Variants in TTLL12 observed in about 807,000 individuals in gnomAD.
The protein encoded by TTLL12 is tubulin tyrosine ligase like 12, also known as tubulin--tyrosine ligase-like protein 12.
A neutral mutation model predicts 79.6 loss-of-function variants in TTLL12; 77 were observed. The observed-to-expected ratio is 0.97, with a 90% CI of 0.81 to 1.17. TTLL12 has a LOEUF of 1.17. Among genes scored for constraint, TTLL12 ranks in the 50% most tolerant of loss-of-function variants. The pLI, the probability that TTLL12 is intolerant of heterozygous loss-of-function variation, is 0.00. For synonymous variants in TTLL12, 437 were observed against 376.1 expected, an observed-to-expected ratio of 1.16 and a Z score of -1.87; for missense variants, 969 against 895.9, an observed-to-expected ratio of 1.08 and a Z score of -1.04.
intron 2 of TTLL12, among the ~76,000 whole-genome samples, chr22:43,181,552 C>G (rs1932057127): frequency 6.6e-6 from 1 of 152,212 alleles, no homozygotes; most frequent in Non-Finnish European, 1.5e-5. Context: ...AGCTGAGCTG[C>G]TACAGAAGCA....
intron 9 of TTLL12, 146 bp from the exon 10 acceptor site, chr22:43,172,700 TC>T: frequency 6.1e-6 from 5 of 818,824 alleles, no homozygotes; most frequent in African/African-American, 1.8e-5. Flanking sequence ...TGCTGCAAAG[TC>T]TTTTTTTTTT....
At position 43,186,897 on chromosome 22, in the gene TTLL12, T is replaced by C; in HGVS notation, c.173A>G (p.His58Arg). ...YWGRLLHKLEHEVFDAGEVFG... is the reference protein window; with the variant it reads ...YWGRLLHKLEREVFDAGEVFG... ...GCCCGCCGCCCTTCCCCGCACCTCG[T>C]GCTCCAGCTTGTGCAGGAGGCGGCC... The change falls in exon 1 of 14, where the codon CAC becomes CGC. Residue 58 changes from histidine (H) to arginine (R), a missense_variant. His to Arg is a conservative substitution (Grantham distance 29). Transcript: ENST00000216129. 1 of 1,302,482 alleles carries C rather than the reference T, an allele frequency of 7.7e-7. No homozygotes were observed. Among genetic ancestry groups the C allele is most frequent in the Non-Finnish European group, 9.7e-7 (1 of 1,026,542 alleles). 80.7% of individuals were successfully genotyped at this position (1,302,482 alleles called of 1,614,324 possible). A position where few individuals can be genotyped will look rare whatever the true frequency, so the allele number is the denominator to read the frequency against.
intron 5 of TTLL12, among the ~76,000 whole-genome samples, chr22:43,177,395 T>G (rs896819025): frequency 3.3e-5 from 5 of 152,012 alleles, no homozygotes; most frequent in Admixed American, 1.3e-4. Flanking sequence ...AAAAAAAGAT[T>G]AAAACATGCC....
At chr22:43,169,346 G>A (rs916255) in intron 12 of TTLL12, among the ~76,000 whole-genome samples, 154 bp downstream of exon 12, 5 of 152,186 alleles carry the variant, frequency 3.3e-5, no homozygotes, top group Admixed American at 2.0e-4. Context: ...GGGAGCCCAC[G>A]CTGTCTTGCC....
chr22:43,177,457 G>A (rs1333644510), intron 5 of TTLL12, among the ~76,000 whole-genome samples: 1 of 152,198 alleles, frequency 6.6e-6, no homozygotes, highest in Non-Finnish European at 1.5e-5. Flanking sequence ...CCATCTCTGA[G>A]GGTGGGATGG....
chr22:43,171,507 T>G (rs1931763636), intron 11 of TTLL12: 1 of 273,530 alleles, frequency 3.7e-6, no homozygotes, highest in Non-Finnish European at 7.2e-6. Context: ...GTTGAAGTGG[T>G]GGTGAGGAGT....
chr22:43,185,413 C>G (rs1932160051), intron 1 of TTLL12, among the ~76,000 whole-genome samples: 1 of 151,268 alleles, frequency 6.6e-6, no homozygotes, highest in African/African-American at 2.4e-5. Context: ...GCTGCTGCTG[C>G]TGGCGGCCTC....
At position 43,171,869 on chromosome 22, in the gene TTLL12, C is replaced by G; in HGVS notation, c.1525G>C (p.Glu509Gln). ...AFALNDLDDY[E>Q]KHFTVMNYDP... The stretch of plus-strand genomic sequence containing the variant: ...TAGTTCATGACCGTGAAGTGCTTCT[C>G]GTAGTCATCCAGGTCGTTGAGTGCA... The change falls in exon 11 of 14, where the codon GAG becomes CAG. Residue 509 changes from glutamate (E) to glutamine (Q), a missense_variant. Transcript: ENST00000216129. 6.2e-7 allele frequency: 1 copy of G among 1,614,178 alleles called. No individual in the cohort carries two copies. The highest frequency in any genetic ancestry group is 8.5e-7 in the Non-Finnish European group (1 of 1,180,028).
chr22:43,170,519 T>C (rs534244933), intron 11 of TTLL12, among the ~76,000 whole-genome samples: 2 of 152,244 alleles, frequency 1.3e-5, no homozygotes, highest in East Asian at 1.9e-4. Flanking sequence ...CCGCCACAGT[T>C]AGCAACAAGC....
intron 11 of TTLL12, among the ~76,000 whole-genome samples, chr22:43,170,779 G>C (rs1003745559): frequency 5.9e-5 from 9 of 152,154 alleles, no homozygotes; most frequent in African/African-American, 1.9e-4. Context: ...CGGGCGTGGA[G>C]GCACGTGCCC....
At chr22:43,176,507 A>C in intron 5 of TTLL12, 111 bp from the exon 6 acceptor site, 1 of 847,774 alleles carries the variant, frequency 1.2e-6, no homozygotes, top group Non-Finnish European at 2.0e-6. Flanking sequence ...AGGCAGGTGG[A>C]TCACGTGATG....
chr22:43,170,225 G>A (rs1171903157), intron 11 of TTLL12: 6 of 298,254 alleles, frequency 2.0e-5, no homozygotes, highest in Non-Finnish European at 3.9e-5. Context: ...ACAGAAGGGA[G>A]GGGCTCAGAA....
chr22:43,177,120 G>A (rs1199373268), intron 5 of TTLL12, among the ~76,000 whole-genome samples: 2 of 152,090 alleles, frequency 1.3e-5, no homozygotes, highest in Non-Finnish European at 2.9e-5. Context: ...AGTAATCCCT[G>A]CACTTTGGGA....
chr22:43,182,067 C>T (rs1932072633), intron 2 of TTLL12, among the ~76,000 whole-genome samples: 1 of 134,008 alleles, frequency 7.5e-6, no homozygotes, highest in Non-Finnish European at 1.8e-5. Flanking sequence ...AACAAACACT[C>T]AGGCTCCAAA....
At chr22:43,185,121 G>A (rs541910464) in intron 1 of TTLL12, among the ~76,000 whole-genome samples, 3 of 151,456 alleles carry the variant, frequency 2.0e-5, no homozygotes, top group African/African-American at 4.9e-5. Flanking sequence ...CCAGCTACTC[G>A]GGAGGCTGAG....
chr22:43,184,352 G>A (rs1267571196), intron 1 of TTLL12, among the ~76,000 whole-genome samples: 1 of 152,266 alleles, frequency 6.6e-6, no homozygotes. Flanking sequence ...AGGAAGCTCA[G>A]GCTGAGTAAG....
rs756836630 is a variant in TTLL12, at chr22:43,179,988, TCTC to T, written c.556_558del (p.Glu186del). On this transcript the variant is annotated inframe_deletion, in exon 4 of 14. Coordinates refer to ENST00000216129, the MANE Select transcript of TTLL12 (RefSeq NM_015140.4). ...TCCATGATATACCACACCGGCATCT[TCTC>T]CTCAGCTGTCTGCAGACAGAGCACA... 8 of 1,599,592 alleles carry T rather than the reference TCTC, an allele frequency of 5.0e-6. No individual in the cohort carries two copies. The highest frequency in any genetic ancestry group is 6.8e-6 in the Non-Finnish European group (8 of 1,174,988).
intron 1 of TTLL12, among the ~76,000 whole-genome samples, chr22:43,184,528 G>C (rs2146626327): frequency 6.6e-6 from 1 of 152,372 alleles, no homozygotes; most frequent in East Asian, 1.9e-4. Context: ...AGAGGGAAGA[G>C]TAAGAGCGAA....
chr22:43,182,300 G>A (rs35813213), intron 2 of TTLL12, among the ~76,000 whole-genome samples: 2 of 152,214 alleles, frequency 1.3e-5, no homozygotes, highest in South Asian at 2.1e-4. Context: ...TGGGCTGTCC[G>A]TATTTCCGGG....
Sources: gnomAD v4.1 joint callset for allele counts (sites outside exome capture counted in the v4.1 genomes callset) on GRCh38, gnomAD v4.1.1 for gene constraint, MANE v1.5 for transcripts, NCBI Gene and HGNC (gene_info 2026-07-23, HGNC 2026-07-21) for gene names.